Variants in NCOA1 observed in about 807,000 individuals in gnomAD.
The protein encoded by NCOA1 is Hin-2 protein.
Under a neutral mutation model 150.9 loss-of-function variants are expected in NCOA1, and 35 were observed. The ratio of observed to expected loss-of-function variants is 0.23; its 90% confidence interval spans 0.18 to 0.31. The LOEUF (loss-of-function observed/expected upper bound fraction) is 0.31. Ranked by LOEUF, NCOA1 falls within the 10% of genes least tolerant of loss-of-function variation. The pLI is 1.00. For missense variants in NCOA1, 1,491 were observed against 1,749.3 expected, an observed-to-expected ratio of 0.85 and a Z score of 2.63; for synonymous variants, 590 against 630.0, an observed-to-expected ratio of 0.94 and a Z score of 0.95.
At chr2:24,761,136 C>G (rs1203631351) in intron 21 of NCOA1, among the ~76,000 whole-genome samples, 1 of 152,206 alleles carries the variant, frequency 6.6e-6, no homozygotes. Flanking sequence ...GCGTGAGCCA[C>G]CACACCCGGC....
chr2:24,747,291 C>T lies in NCOA1; in HGVS notation c.3707-4691C>T, dbSNP rs902168748. On this transcript the variant is annotated intron_variant, in intron 19 of 22. Coordinates refer to ENST00000348332, the MANE Select transcript of NCOA1 (RefSeq NM_003743.5). ...GTAATATCCAGAATATGATAAGCATCTTTTCCCGCTCACATATTTTTATTT... is the reference window on the plus strand; with the variant it reads ...GTAATATCCAGAATATGATAAGCATTTTTTCCCGCTCACATATTTTTATTT... 2.7e-5 allele frequency among the ~76,000 whole-genome samples: 4 copies of T among 145,472 alleles called. 1 individual carries two copies. Among genetic ancestry groups the T allele is most frequent in the African/African-American group, 1.0e-4 (4 of 39,306 alleles).
chr2:24,625,942 G>T (rs2148418917), intron 3 of NCOA1, among the ~76,000 whole-genome samples: 1 of 152,132 alleles, frequency 6.6e-6, no homozygotes, highest in Non-Finnish European at 1.5e-5. Context: ...ATCAGTCTTG[G>T]TGAAATTACA....
chr2:24,678,184 A>G (rs1218361147), intron 7 of NCOA1, among the ~76,000 whole-genome samples: 1 of 152,178 alleles, frequency 6.6e-6, no homozygotes, highest in Non-Finnish European at 1.5e-5. Context: ...AACAGCTTCC[A>G]ACTCCATCCA....
At chr2:24,520,073 ACACCTT>A (rs1331053993) in intron 1 of NCOA1, among the ~76,000 whole-genome samples, 1 of 152,234 alleles carries the variant, frequency 6.6e-6, no homozygotes, top group Non-Finnish European at 1.5e-5. Context: ...GAGATCACTA[ACACCTT>A]TTAAAATGGC....
intron 1 of NCOA1, among the ~76,000 whole-genome samples, chr2:24,560,260 C>T (rs1179639251): frequency 6.6e-6 from 1 of 152,100 alleles, no homozygotes; most frequent in African/African-American, 2.4e-5. Context: ...ATAGTGGCCA[C>T]TTCTTTTTCT....
chr2:24,642,991 C>T (rs1670300035), intron 3 of NCOA1, among the ~76,000 whole-genome samples: 2 of 152,248 alleles, frequency 1.3e-5, no homozygotes, highest in South Asian at 2.1e-4. Context: ...TGATTATAAA[C>T]AGCATGAAAC....
chr2:24,759,511 T>G (rs56070441), intron 21 of NCOA1, among the ~76,000 whole-genome samples: 11,331 of 152,258 alleles, frequency 0.074, 511 homozygotes, highest in African/African-American at 0.12. Flanking sequence ...GCCTCTTACA[T>G]ATTTTTAGAA....
chr2:24,497,266 T>TC (rs1663259338), intron 1 of NCOA1, among the ~76,000 whole-genome samples: 1 of 152,186 alleles, frequency 6.6e-6, no homozygotes, highest in African/African-American at 2.4e-5. Flanking sequence ...ACTTTTTTTT[T>TC]TTTCTTTCTG....
rs77401833 is a variant in NCOA1 at position 24,592,916 on chromosome 2, C to G, written c.-175+8356C>G. 6.9e-4 allele frequency among the ~76,000 whole-genome samples: 105 copies of G among 152,216 alleles called. No homozygotes were observed. The East Asian group carries it at 0.019, about 27-fold the overall frequency. On this transcript the variant is annotated intron_variant, in intron 3 of 22. Coordinates refer to ENST00000348332, the MANE Select transcript of NCOA1 (RefSeq NM_003743.5). Reference sequence around the variant, plus strand: ...TTCACCTGTCCTTCACCTGAACCTACCCTGTCTCTGTCCCCTTCTTTTTTT... The same window carrying G: ...TTCACCTGTCCTTCACCTGAACCTAGCCTGTCTCTGTCCCCTTCTTTTTTT...
At chr2:24,649,460 G>A (rs1209390921) in intron 4 of NCOA1, among the ~76,000 whole-genome samples, 2 of 152,278 alleles carry the variant, frequency 1.3e-5, no homozygotes, top group African/African-American at 4.8e-5. Flanking sequence ...TGGAAGACAT[G>A]TGCAGTATAC....
intron 16 of NCOA1, among the ~76,000 whole-genome samples, chr2:24,728,695 C>T (rs1662836677): frequency 6.6e-6 from 1 of 152,084 alleles, no homozygotes; most frequent in Non-Finnish European, 1.5e-5. Context: ...GGAACAGAAT[C>T]TTACAAGCTC....
rs201135014 is a variant in NCOA1 at position 24,552,473 on chromosome 2, TCTC to T, written c.-395-11819_-395-11817del. Among the ~76,000 whole-genome samples, 1,359 of 147,118 alleles carry T rather than the reference TCTC, an allele frequency of 9.2e-3. 20 individuals are homozygous for T. The highest frequency in any genetic ancestry group is 0.033 in the African/African-American group (1,297 of 39,676). On this transcript the variant is annotated intron_variant, in intron 1 of 22. Coordinates refer to ENST00000348332, the MANE Select transcript of NCOA1 (RefSeq NM_003743.5). ...CGTCTGCCTCCTAGGTTCAAGCAAT[TCTC>T]CTGCCTCAGCTCCCGAGTAGCTGGG...
At chr2:24,515,949 A>G (rs1023694068) in intron 1 of NCOA1, among the ~76,000 whole-genome samples, 1 of 152,152 alleles carries the variant, frequency 6.6e-6, no homozygotes, top group Non-Finnish European at 1.5e-5. Context: ...TCCTTCAAGA[A>G]AGAAGTTATT....
At chr2:24,504,746 G>T (rs1663618792) in intron 1 of NCOA1, among the ~76,000 whole-genome samples, 1 of 152,142 alleles carries the variant, frequency 6.6e-6, no homozygotes, top group Non-Finnish European at 1.5e-5. Context: ...AACAGAAAGT[G>T]AATATTTGGC....
intron 1 of NCOA1, among the ~76,000 whole-genome samples, chr2:24,500,902 G>A (rs1369191183): frequency 2.6e-5 from 4 of 152,116 alleles, no homozygotes; most frequent in Non-Finnish European, 4.4e-5. Context: ...TGGATATTTA[G>A]AATTTTTCCT....
At chr2:24,560,279 C>T (rs1666245971) in intron 1 of NCOA1, among the ~76,000 whole-genome samples, 1 of 152,086 alleles carries the variant, frequency 6.6e-6, no homozygotes, top group South Asian at 2.1e-4. Flanking sequence ...CTGTGACCTG[C>T]CAGAGGTCAG....
chr2:24,707,632 T>A lies in NCOA1; in HGVS notation c.2162T>A (p.Val721Glu), dbSNP rs745797858. 16 of 1,614,204 alleles carry A rather than the reference T, an allele frequency of 9.9e-6. 1 individual carries two copies. The South Asian group carries it at 1.8e-4, about 18-fold the overall frequency. Reference sequence around the variant, plus strand: ...GACAGTGCATCTACTTCTGTGTCAGTGACTGGACAGGTACAAGGAAACTCC... The same window carrying A: ...GACAGTGCATCTACTTCTGTGTCAGAGACTGGACAGGTACAAGGAAACTCC... ...KKDSASTSVS[V>E]TGQVQGNSSI... Residue 721 changes from valine (V) to glutamate (E), a missense_variant, in exon 13 of 23, where the codon GTG (valine) becomes GAG (glutamate). This residue lies in a region of NCOA1 where 703 missense variants were observed against 717.7 expected (regional missense o/e 0.98). Transcript: ENST00000348332.
rs368867301 is a variant in NCOA1 at position 24,681,362 on chromosome 2, C to T, written c.355-1589C>T. ...AAAAAAAAGGAAAAGAAAAAAAGGGCCAAAGCCCACTGAGAATCTAATTGG... is the reference window on the plus strand; with the variant it reads ...AAAAAAAAGGAAAAGAAAAAAAGGGTCAAAGCCCACTGAGAATCTAATTGG... On this transcript the variant is annotated intron_variant, in intron 7 of 22. Transcript: ENST00000348332. Among the ~76,000 whole-genome samples the T allele has an allele frequency of 2.4e-4, 36 of 152,124 alleles. 1 individual carries two copies. In the East Asian group the frequency reaches 6.4e-3, roughly 27 times the overall value.
rs955514054 is a variant in NCOA1, at chr2:24,683,128, G to A, written c.532G>A (p.Val178Ile). The A allele has an allele frequency of 6.4e-7, 1 of 1,553,262 alleles. No homozygotes were observed. Among genetic ancestry groups the A allele is most frequent in the Non-Finnish European group, 8.6e-7 (1 of 1,156,438 alleles). The change falls in exon 8 of 23, where the codon GTA (valine) becomes ATA (isoleucine). Residue 178 changes from valine to isoleucine, a missense_variant and splice_region_variant. Around this residue, in one of 8 missense-constraint regions of NCOA1, gnomAD observed 99 missense variants for 122.8 expected, o/e 0.81. Transcript: ENST00000348332. ...FVKNLLPKSL[V>I]NGVPWPQEAT... is the part of the protein sequence containing the mutation. Reference sequence around the variant, plus strand: ...GAAGAATCTGCTACCAAAATCACTAGGTAAACAGAAATGTGTTTTTAAAAA... The same window carrying A: ...GAAGAATCTGCTACCAAAATCACTAAGTAAACAGAAATGTGTTTTTAAAAA...
Sources: allele counts gnomAD v4.1 joint callset (sites outside exome capture counted in the v4.1 genomes callset), GRCh38; gene constraint gnomAD v4.1.1; regional missense constraint gnomAD v4.1.1; transcripts MANE v1.5; gene names NCBI Gene and HGNC (gene_info 2026-07-23, HGNC 2026-07-21).